Variants in GLIPR2 observed in about 807,000 individuals in gnomAD.
The protein encoded by GLIPR2 is Golgi-associated plant pathogenesis-related protein 1.
In GLIPR2, 21 loss-of-function variants were observed where a neutral mutation model predicts 20.4. The observed-to-expected ratio is 1.03, with a 90% CI of 0.73 to 1.48. GLIPR2 has a LOEUF of 1.48. GLIPR2 is among the 40% of genes most tolerant of loss of function. GLIPR2 has a pLI of 0.00. For synonymous variants in GLIPR2, 91 were observed against 80.5 expected, an observed-to-expected ratio of 1.13 and a Z score of -0.70; for missense variants, 205 against 200.1, an observed-to-expected ratio of 1.02 and a Z score of -0.15.
intron 4 of GLIPR2, among the ~76,000 whole-genome samples, chr9:36,162,033 G>T (rs911073954): frequency 2.6e-5 from 4 of 152,088 alleles, no homozygotes; most frequent in Non-Finnish European, 5.9e-5. Flanking sequence ...AAATTAGCTG[G>T]GCGTGGTGGC....
upstream of GLIPR2, chr9:36,136,716 C>T (rs1261511593): frequency 3.4e-5 from 39 of 1,148,778 alleles, no homozygotes; most frequent in South Asian, 1.2e-4. This position sits in a 1 kb window ranked among gnomAD's most constrained non-coding sequence, Gnocchi z 4.3. Flanking sequence ...TCTGGGGCGG[C>T]GCTGGGCCGG....
chr9:36,147,194 G>A (rs1825365299), intron 1 of GLIPR2, among the ~76,000 whole-genome samples: 3 of 152,164 alleles, frequency 2.0e-5, no homozygotes, highest in Admixed American at 2.0e-4. Context: ...TGCTTCCCCA[G>A]GGCTGTCCTT....
At chr9:36,148,247 CAA>C (rs751343269) in intron 2 of GLIPR2, among the ~76,000 whole-genome samples, 1 of 130,230 alleles carries the variant, frequency 7.7e-6, no homozygotes, top group Non-Finnish European at 1.7e-5. Flanking sequence ...GACAACATCT[CAA>C]AAAAAAAAAA....
chr9:36,147,803 A>G lies in GLIPR2; in HGVS notation c.31A>G (p.Asn11Asp). The G allele has an allele frequency of 1.9e-6, 3 of 1,547,610 alleles. No individual in the cohort carries two copies. The highest frequency in any genetic ancestry group is 8.9e-7 in the Non-Finnish European group (1 of 1,119,346). Reference sequence around the variant, plus strand: ...CATTCCAGCTTCCAAACAGTTTCATAATGAGGTCCTGAAGGCCCACAATGA... The same window carrying G: ...CATTCCAGCTTCCAAACAGTTTCATGATGAGGTCCTGAAGGCCCACAATGA... MGKSASKQFH[N>D]EVLKAHNEYR... The change falls in exon 2 of 5, where the codon AAT becomes GAT. Residue 11 changes from asparagine (N) to aspartate (D), a missense_variant. Asn to Asp is a conservative substitution (Grantham distance 23). Transcript: ENST00000377960.
intron 4 of GLIPR2, among the ~76,000 whole-genome samples, chr9:36,161,989 A>G (rs1174877755): frequency 6.6e-6 from 1 of 152,184 alleles, no homozygotes; most frequent in Non-Finnish European, 1.5e-5. Flanking sequence ...GTTCGAGACC[A>G]TGGTGAAACC....
chr9:36,141,902 C>T, intron 1 of GLIPR2: 1 of 455,516 alleles, frequency 2.2e-6, no homozygotes, highest in Non-Finnish European at 4.4e-6. Flanking sequence ...ACTTCGAGAA[C>T]CCAGTGCAGC....
At chr9:36,159,852 G>T (rs760357374) in intron 4 of GLIPR2, among the ~76,000 whole-genome samples, 1 of 152,104 alleles carries the variant, frequency 6.6e-6, no homozygotes, top group Non-Finnish European at 1.5e-5. Flanking sequence ...TGTAATCCCA[G>T]CTACTTGGAA....
At chr9:36,151,540 T>A (rs1449084752) in intron 4 of GLIPR2, among the ~76,000 whole-genome samples, 4 of 152,158 alleles carry the variant, frequency 2.6e-5, no homozygotes, top group African/African-American at 9.7e-5. Flanking sequence ...AACCTGGATC[T>A]AGTCTTAGCT....
rs986166407 is a variant in GLIPR2 at position 36,163,664 on chromosome 9, C to G, written c.*1142C>G. The stretch of plus-strand genomic sequence containing the variant: ...CCCCTGAATAGCAACTTTACAAGGT[C>G]CATGTGGGAGGGACCAACCCAGATG... On this transcript the variant is annotated 3_prime_UTR_variant, in exon 5 of 5. Coordinates refer to ENST00000377960, the MANE Select transcript of GLIPR2 (RefSeq NM_022343.4). The G allele has an allele frequency of 4.6e-5, 7 of 152,638 alleles. No individual in the cohort carries two copies. The highest frequency in any genetic ancestry group is 1.7e-4 in the African/African-American group (7 of 41,472). 9.5% of individuals were successfully genotyped at this position (152,638 alleles called of 1,614,324 possible). A position where few individuals can be genotyped will look rare whatever the true frequency, so the allele number is the denominator to read the frequency against.
chr9:36,147,646 G>C, intron 1 of GLIPR2, 140 bp from the exon 2 acceptor site: 1 of 668,294 alleles, frequency 1.5e-6, no homozygotes. Flanking sequence ...CACTTGGCTG[G>C]GGTGCCAGGT....
chr9:36,158,666 A>G (rs1159247852), intron 4 of GLIPR2, among the ~76,000 whole-genome samples: 1 of 152,274 alleles, frequency 6.6e-6, no homozygotes, highest in African/African-American at 2.4e-5. Flanking sequence ...TTGCTTTAGC[A>G]AATGAATGCC....
chr9:36,144,302 A>C (rs369019924), intron 1 of GLIPR2: 2 of 152,288 alleles, frequency 1.3e-5, no homozygotes, highest in Non-Finnish European at 2.9e-5. Context: ...GTAAAAATGC[A>C]TAGCATAAAA....
At chr9:36,142,794 C>T (rs1825146077) in intron 1 of GLIPR2, among the ~76,000 whole-genome samples, 1 of 152,072 alleles carries the variant, frequency 6.6e-6, no homozygotes, top group African/African-American at 2.4e-5. Context: ...CTACTGATAA[C>T]TTTGCCTCCC....
At chr9:36,157,900 C>T (rs1380995455) in intron 4 of GLIPR2, among the ~76,000 whole-genome samples, 1 of 151,866 alleles carries the variant, frequency 6.6e-6, no homozygotes, top group Non-Finnish European at 1.5e-5. Context: ...GCAACCTCTG[C>T]CTCCCAGGTT....
chr9:36,150,804 A>G (rs2132748779), intron 3 of GLIPR2, 68 bp from the exon 4 acceptor site: 1 of 1,179,296 alleles, frequency 8.5e-7, no homozygotes, highest in Non-Finnish European at 1.2e-6. Context: ...CTGATGGGAG[A>G]AAATGCAGGG....
intron 1 of GLIPR2, among the ~76,000 whole-genome samples, chr9:36,140,682 C>T (rs1477329008): frequency 6.6e-6 from 1 of 152,088 alleles, no homozygotes; most frequent in East Asian, 1.9e-4. Context: ...ATCATTCTTG[C>T]CATTTGGAAA....
At chr9:36,150,673 C>T (rs1825540658) in intron 3 of GLIPR2, among the ~76,000 whole-genome samples, 199 bp from the exon 4 acceptor site, 1 of 152,164 alleles carries the variant, frequency 6.6e-6, no homozygotes. Context: ...CCCAGAAGGC[C>T]CACTCTTCAG....
intron 3 of GLIPR2, among the ~76,000 whole-genome samples, chr9:36,149,705 T>C (rs1825498723): frequency 6.6e-6 from 1 of 152,094 alleles, no homozygotes; most frequent in Non-Finnish European, 1.5e-5. Flanking sequence ...CCTACTCTGG[T>C]CGCACATTGG....
Position 36,150,877 on chromosome 9 carries a change from G to T in GLIPR2, c.232G>T (p.Glu78Ter), listed in dbSNP as rs1373765571. ...AWASYDQTGK[E>*]VADRWYSEIK... ...ACAATGTCATTTCCACACAGGAAAGGAGGTGGCTGATAGATGGTACAGTGA... is the reference window on the plus strand; with the variant it reads ...ACAATGTCATTTCCACACAGGAAAGTAGGTGGCTGATAGATGGTACAGTGA... The change falls in exon 4 of 5, where the codon GAG becomes TAG. Residue 78 changes from glutamate (E) to a stop codon, truncating the protein, a stop_gained. Transcript: ENST00000377960. LOFTEE classifies it high-confidence loss of function. 2.5e-6 allele frequency: 4 copies of T among 1,612,084 alleles called. No individual in the cohort carries two copies. Among genetic ancestry groups the T allele is most frequent in the Non-Finnish European group, 3.4e-6 (4 of 1,178,280 alleles).
Sources: allele counts gnomAD v4.1 joint callset (sites outside exome capture counted in the v4.1 genomes callset), GRCh38; gene constraint gnomAD v4.1.1; non-coding constraint Gnocchi (gnomAD v3.1); transcripts MANE v1.5; gene names NCBI Gene and HGNC (gene_info 2026-07-23, HGNC 2026-07-21).